The following SLC4A4 variants were observed in gnomAD, a reference collection of about 807,000 sequenced individuals.
SLC4A4 encodes electrogenic sodium bicarbonate cotransporter 1.
A neutral mutation model predicts 111.5 loss-of-function variants in SLC4A4; 27 were observed. The ratio of observed to expected loss-of-function variants is 0.24; its 90% CI spans 0.18 to 0.33. SLC4A4 has a LOEUF of 0.33. SLC4A4 is among the 10% of genes least tolerant of loss of function. The probability of loss-of-function intolerance (pLI) is 1.00; values close to 1 mark genes in which losing one functional copy is unlikely to be tolerated. For missense variants in SLC4A4, 909 were observed against 1,315.5 expected (o/e 0.69, Z 4.78); for synonymous variants, 443 against 463.4 (o/e 0.96, Z 0.57).
At chr4:71,485,317 A>C (rs1729271742) in intron 14 of SLC4A4, among the ~76,000 whole-genome samples, 1 of 151,534 alleles carries the variant, frequency 6.6e-6, no homozygotes, top group Non-Finnish European at 1.5e-5. Context: ...TTCAACACCT[A>C]GTTTGTTGAG....
At position 71,255,230 on chromosome 4, in the gene SLC4A4, C is replaced by A; in HGVS notation, c.84C>A (p.Thr28=). ...GTGTACCTTCCTTAGGCCACCATAC[C>A]ATTTACATCGGAGTCCATGTGCCGA... ...CDEEEVEGHH[T]IYIGVHVPKS... Residue 28 remains threonine, a synonymous_variant, in exon 3 of 26, where the codon ACC becomes ACA. Coordinates refer to ENST00000264485, the MANE Select transcript of SLC4A4 (RefSeq NM_001098484.3). 4 of 1,613,200 alleles carry A rather than the reference C, an allele frequency of 2.5e-6. No homozygotes were observed. Among genetic ancestry groups the A allele is most frequent in the South Asian group, 1.1e-5 (1 of 91,044 alleles).
intron 1 of SLC4A4, among the ~76,000 whole-genome samples, chr4:71,219,067 T>C (rs917026403): frequency 6.6e-6 from 1 of 152,122 alleles, no homozygotes; most frequent in Non-Finnish European, 1.5e-5. Context: ...TGCAGAAACA[T>C]CACAAGAGCC....
At chr4:71,318,646 G>A (rs1417035189) in intron 3 of SLC4A4, among the ~76,000 whole-genome samples, 1 of 151,942 alleles carries the variant, frequency 6.6e-6, no homozygotes, top group Non-Finnish European at 1.5e-5. Context: ...TAGCCCCTTT[G>A]GTGTGTTTTA....
At chr4:71,236,703 A>T (rs2149038092) in intron 2 of SLC4A4, 54 bp downstream of exon 2, 1 of 1,388,428 alleles carries the variant, frequency 7.2e-7, no homozygotes, top group South Asian at 1.2e-5. Context: ...GTCTCTATAG[A>T]TAATAACATT....
intron 3 of SLC4A4, among the ~76,000 whole-genome samples, chr4:71,288,075 C>G (rs1480137382): frequency 6.6e-6 from 1 of 152,156 alleles, no homozygotes; most frequent in East Asian, 1.9e-4. Flanking sequence ...ATGCATTTAT[C>G]AGCTGTCCAT....
At chr4:71,143,830 T>C (rs1376198673) in intron 2 of SLC4A4, among the ~76,000 whole-genome samples, 1 of 152,228 alleles carries the variant, frequency 6.6e-6, no homozygotes, top group Admixed American at 6.5e-5. Context: ...GAGTTCATTG[T>C]AGATTCTGGA....
At chr4:71,160,868 A>G (rs899526486) in intron 2 of SLC4A4, among the ~76,000 whole-genome samples, 2 of 152,170 alleles carry the variant, frequency 1.3e-5, no homozygotes, top group African/African-American at 4.8e-5. Context: ...CCTTTCACAT[A>G]TGGACTAGAT....
chr4:71,141,708 C>T (rs59969894), intron 2 of SLC4A4, among the ~76,000 whole-genome samples: 2,653 of 152,256 alleles, frequency 0.017, 86 homozygotes, highest in African/African-American at 0.061. Flanking sequence ...ACCTTGTTTG[C>T]CTTGCTTATT....
chr4:71,179,838 T>C (rs1292752680), intron 2 of SLC4A4, among the ~76,000 whole-genome samples: 1 of 152,080 alleles, frequency 6.6e-6, no homozygotes, highest in African/African-American at 2.4e-5. Context: ...CTTCACAGAA[T>C]TGGAAAAACT....
At chr4:71,288,924 CA>C (rs1724124138) in intron 3 of SLC4A4, among the ~76,000 whole-genome samples, 1 of 152,066 alleles carries the variant, frequency 6.6e-6, no homozygotes, top group Admixed American at 6.6e-5. Flanking sequence ...TCAAAATATG[CA>C]TAACCTTTGT....
chr4:71,193,260 C>G (rs545988561), intron 1 of SLC4A4, among the ~76,000 whole-genome samples: 3 of 152,100 alleles, frequency 2.0e-5, no homozygotes, highest in African/African-American at 7.2e-5. Flanking sequence ...CCCAGGTTCA[C>G]GCCATTCTCC....
intron 2 of SLC4A4, among the ~76,000 whole-genome samples, chr4:71,248,591 A>T (rs1720846795): frequency 6.6e-6 from 1 of 152,094 alleles, no homozygotes; most frequent in South Asian, 2.1e-4. Flanking sequence ...CTGATTTCTA[A>T]TTTTGTTAAT....
At chr4:71,278,662 T>C (rs547788800) in intron 3 of SLC4A4, among the ~76,000 whole-genome samples, 1 of 152,352 alleles carries the variant, frequency 6.6e-6, no homozygotes, top group Non-Finnish European at 1.5e-5. Flanking sequence ...TGTCTTATTG[T>C]GGTTTTAATT....
At chr4:71,266,204 G>A (rs1034812202) in intron 3 of SLC4A4, among the ~76,000 whole-genome samples, 1 of 152,146 alleles carries the variant, frequency 6.6e-6, no homozygotes, top group Non-Finnish European at 1.5e-5. Context: ...GGGTCTAGGG[G>A]AATTTTTGTA....
intron 7 of SLC4A4, among the ~76,000 whole-genome samples, chr4:71,426,165 C>A (rs1267170589): frequency 2.0e-5 from 3 of 151,844 alleles, no homozygotes; most frequent in Non-Finnish European, 4.4e-5. Flanking sequence ...GTCTTAAAAT[C>A]TCTGTTTCAA....
At chr4:71,172,864 A>T (rs1744982110) in intron 2 of SLC4A4, among the ~76,000 whole-genome samples, 1 of 152,238 alleles carries the variant, frequency 6.6e-6, no homozygotes, top group Non-Finnish European at 1.5e-5. Flanking sequence ...TCACAGTATC[A>T]GTAGTCCTCC....
At chr4:71,204,914 A>G (rs1717659734) in intron 1 of SLC4A4, among the ~76,000 whole-genome samples, 1 of 152,204 alleles carries the variant, frequency 6.6e-6, no homozygotes, top group South Asian at 2.1e-4. Context: ...TAGACAAAAT[A>G]AATATGGAAT....
intron 2 of SLC4A4, among the ~76,000 whole-genome samples, chr4:71,151,369 T>A (rs549456749): frequency 3.8e-4 from 58 of 152,306 alleles, no homozygotes; most frequent in African/African-American, 1.3e-3. Flanking sequence ...AAGGAACTAA[T>A]TCAGTGCATT....
chr4:71,281,613 G>A (rs1254429409), intron 3 of SLC4A4, among the ~76,000 whole-genome samples: 1 of 152,094 alleles, frequency 6.6e-6, no homozygotes, highest in African/African-American at 2.4e-5. Flanking sequence ...TTGCTAATTA[G>A]AATATAAAAC....
Sources: allele counts gnomAD v4.1 joint callset (sites outside exome capture counted in the v4.1 genomes callset), GRCh38; gene constraint gnomAD v4.1.1; transcripts MANE v1.5; gene names NCBI Gene and HGNC (gene_info 2026-07-23, HGNC 2026-07-21).